ASTN2: variants seen among roughly 807,000 people sequenced by gnomAD.
The protein encoded by ASTN2 is astrotactin-2.
ASTN2 carries 54 observed loss-of-function variants against 139.8 expected under a neutral mutation model. The observed-to-expected ratio is 0.39, with a 90% CI of 0.31 to 0.48. The LOEUF (loss-of-function observed/expected upper bound fraction) is 0.48, where lower values mean the gene tolerates loss of function less well. Among genes scored for constraint, ASTN2 ranks in the 20% least tolerant of loss-of-function variants. The pLI, the probability that ASTN2 is intolerant of heterozygous loss-of-function variation, is 0.95. For missense variants in ASTN2, 1,565 were observed against 1,725.1 expected (o/e 0.91, Z 1.64); for synonymous variants, 756 against 719.5 (o/e 1.05, Z -0.81).
At chr9:117,279,353 T>C (rs966515378) in intron 2 of ASTN2, among the ~76,000 whole-genome samples, 1 of 152,368 alleles carries the variant, frequency 6.6e-6, no homozygotes, top group Middle Eastern at 3.4e-3. Flanking sequence ...CTTAACCTTC[T>C]AGACCTTGGT....
At position 116,491,485 on chromosome 9, in the gene ASTN2, C is replaced by T. The variant is rs536643346; in HGVS notation, c.3356-3985G>A. On this transcript the variant is annotated intron_variant, in intron 19 of 22. Transcript: ENST00000313400. ...GCTATTCAATTTGCAATTGAATTCC[C>T]GCCACACTCTTAGCTTGAGGAATGA... Among the ~76,000 whole-genome samples the T allele has an allele frequency of 1.1e-4, 17 of 152,186 alleles. No individual in the cohort carries two copies. In the South Asian group the frequency reaches 1.2e-3, roughly 11 times the overall value.
chr9:117,364,771 T>A (rs891117547), intron 1 of ASTN2, among the ~76,000 whole-genome samples: 9 of 152,162 alleles, frequency 5.9e-5, no homozygotes, highest in Middle Eastern at 3.4e-3. Context: ...CCACACTGCA[T>A]TCTATAATGA....
At chr9:116,705,092 T>C (rs1827957919) in intron 16 of ASTN2, among the ~76,000 whole-genome samples, 1 of 152,204 alleles carries the variant, frequency 6.6e-6, no homozygotes, top group African/African-American at 2.4e-5. Flanking sequence ...TGTTAAGTGG[T>C]TAAAGCTTGA....
intron 13 of ASTN2, among the ~76,000 whole-genome samples, chr9:116,769,046 C>G (rs1234213691): frequency 1.3e-5 from 2 of 152,106 alleles, no homozygotes; most frequent in Admixed American, 6.6e-5. Flanking sequence ...GCTGGAGATA[C>G]AGATTTCAAA....
chr9:117,263,331 A>T lies in ASTN2; in HGVS notation c.630+27995T>A, dbSNP rs138737966. ...AACATTTTTATCTAACTATTCCTGA[A>T]ATTAAAAGTAGATATTTCAGTTTCT... On this transcript the variant is annotated intron_variant, in intron 2 of 22. Coordinates refer to ENST00000313400, the MANE Select transcript of ASTN2 (RefSeq NM_001365068.1). Among the ~76,000 whole-genome samples the T allele has an allele frequency of 1.8e-3, 276 of 152,306 alleles. 4 individuals carry two copies. The highest frequency in any genetic ancestry group is 6.2e-3 in the African/African-American group (259 of 41,582).
At chr9:117,249,639 C>A (rs1349862983) in intron 2 of ASTN2, among the ~76,000 whole-genome samples, 1 of 151,916 alleles carries the variant, frequency 6.6e-6, no homozygotes, top group East Asian at 1.9e-4. Flanking sequence ...CTTGAGGCAC[C>A]CCCACAGATC....
intron 19 of ASTN2, among the ~76,000 whole-genome samples, chr9:116,548,506 C>G (rs1048922125): frequency 6.6e-6 from 1 of 152,152 alleles, no homozygotes; most frequent in African/African-American, 2.4e-5. Context: ...GAGTTTCACT[C>G]TTGTTGCCCA....
intron 3 of ASTN2, among the ~76,000 whole-genome samples, chr9:117,174,123 CTAGATAGATAGATAGA>C (rs35789854): frequency 5.0e-4 from 74 of 146,958 alleles, no homozygotes; most frequent in South Asian, 6.6e-4. Flanking sequence ...AGCTAGCTAA[CTAGATAGATAGATAGA>C]TAGATAGATA....
chr9:116,444,833 A>T (rs576750560), intron 20 of ASTN2, among the ~76,000 whole-genome samples: 1 of 152,304 alleles, frequency 6.6e-6, no homozygotes, highest in East Asian at 1.9e-4. Flanking sequence ...CCCACCTCAC[A>T]AGTGCAGTAT....
intron 19 of ASTN2, among the ~76,000 whole-genome samples, chr9:116,543,997 C>T (rs2119365285): frequency 6.6e-6 from 1 of 152,270 alleles, no homozygotes; most frequent in Non-Finnish European, 1.5e-5. Context: ...CCTATTAGAA[C>T]ATAACATTGT....
intron 13 of ASTN2, among the ~76,000 whole-genome samples, chr9:116,772,708 C>T (rs2132188073): frequency 6.6e-6 from 1 of 152,290 alleles, no homozygotes; most frequent in South Asian, 2.1e-4. Context: ...GGACTTCCCT[C>T]CTCCTCAACT....
chr9:116,938,369 G>A (rs1037936119), intron 10 of ASTN2, among the ~76,000 whole-genome samples: 3 of 152,076 alleles, frequency 2.0e-5, no homozygotes, highest in Non-Finnish European at 4.4e-5. Context: ...TTTCCTGATG[G>A]TGGAGACTTT....
At chr9:116,708,002 T>C (rs1486783495) in intron 16 of ASTN2, among the ~76,000 whole-genome samples, 2 of 152,266 alleles carry the variant, frequency 1.3e-5, no homozygotes, top group Middle Eastern at 3.4e-3. Context: ...TCTAACCCAA[T>C]GAGTAATAAA....
intron 10 of ASTN2, among the ~76,000 whole-genome samples, chr9:116,923,219 G>A (rs544364131): frequency 1.1e-4 from 17 of 152,338 alleles, no homozygotes; most frequent in African/African-American, 4.1e-4. Flanking sequence ...TCAGCCAGAA[G>A]TCTGGAAGTC....
intron 3 of ASTN2, among the ~76,000 whole-genome samples, chr9:117,212,188 C>T (rs969798733): frequency 1.3e-5 from 2 of 151,996 alleles, no homozygotes; most frequent in African/African-American, 2.4e-5. Flanking sequence ...GTAAATCATG[C>T]TGAGAAAACT....
intron 6 of ASTN2, among the ~76,000 whole-genome samples, chr9:117,032,593 C>T (rs1018514661): frequency 3.9e-5 from 6 of 152,168 alleles, no homozygotes; most frequent in Admixed American, 3.9e-4. Context: ...ATACTCCTTC[C>T]ATGTATTCAA....
intron 10 of ASTN2, among the ~76,000 whole-genome samples, chr9:116,940,350 T>C (rs1415887179): frequency 3.4e-4 from 52 of 152,050 alleles, no homozygotes; most frequent in Admixed American, 3.4e-3. Flanking sequence ...CCTCAGACAA[T>C]ACCTCCAGGA....
At chr9:117,042,997 A>G (rs1371902582) in intron 5 of ASTN2, among the ~76,000 whole-genome samples, 1 of 152,010 alleles carries the variant, frequency 6.6e-6, no homozygotes, top group Non-Finnish European at 1.5e-5. Flanking sequence ...CAGCCTCCCA[A>G]GTAGCTAGGG....
At chr9:116,804,795 C>T (rs987162934) in intron 13 of ASTN2, among the ~76,000 whole-genome samples, 3 of 150,948 alleles carry the variant, frequency 2.0e-5, no homozygotes, top group Non-Finnish European at 3.0e-5. Flanking sequence ...GTGATAATAT[C>T]TTTTTTTTTA....
Sources: allele counts gnomAD v4.1 joint callset (sites outside exome capture counted in the v4.1 genomes callset), GRCh38; gene constraint gnomAD v4.1.1; transcripts MANE v1.5; gene names NCBI Gene and HGNC (gene_info 2026-07-23, HGNC 2026-07-21).